EPS15: variants seen among roughly 807,000 people sequenced by gnomAD.
EPS15 encodes the protein epidermal growth factor receptor pathway substrate 15, also known as epidermal growth factor receptor substrate 15.
Under a neutral mutation model 113.8 loss-of-function variants are expected in EPS15, and 72 were observed. That is an observed-to-expected ratio of 0.63 (90% CI 0.52 to 0.77). EPS15 has a LOEUF of 0.77. EPS15 is among the 30% of genes least tolerant of loss of function. EPS15 has a pLI of 0.00. For missense variants in EPS15, 1,048 were observed against 1,045.8 expected (o/e 1.00, Z -0.03); for synonymous variants, 344 against 363.4 (o/e 0.95, Z 0.61).
At chr1:51,418,857 T>G (rs990786181) in intron 13 of EPS15, among the ~76,000 whole-genome samples, 1 of 152,170 alleles carries the variant, frequency 6.6e-6, no homozygotes, top group Non-Finnish European at 1.5e-5. Context: ...ATGGTTAAAT[T>G]ACTTAAGATC....
In EPS15 at chr1:51,461,144, C is replaced by G. The variant is rs773088586; in HGVS notation, c.508G>C (p.Glu170Gln). Residue 170 changes from glutamate (E) to glutamine (Q), a missense_variant, in exon 8 of 25, where the codon GAG (glutamate) becomes CAG (glutamine). Physicochemically the swap from Glu to Gln is conservative, Grantham distance 29. Coordinates refer to ENST00000371733, the MANE Select transcript of EPS15 (RefSeq NM_001981.3). The part of the protein sequence containing the change: ...LPVDILGRVW[E>Q]LSDIDHDGML... ...CCATCATGGTCAATATCACTCAACT[C>G]CCAAACCTTAAAAAGAGAATAATTG... 6.3e-7 allele frequency: 1 copy of G among 1,597,296 alleles called. No homozygotes were observed.
intron 19 of EPS15, among the ~76,000 whole-genome samples, chr1:51,399,550 AAAAC>A (rs1236194480): frequency 2.7e-5 from 4 of 148,670 alleles, no homozygotes; most frequent in Admixed American, 6.7e-5. Flanking sequence ...CCCTGTCTCA[AAAAC>A]AAACAAACAA....
At chr1:51,380,855 T>C (rs1258904933) in intron 21 of EPS15, among the ~76,000 whole-genome samples, 1 of 152,114 alleles carries the variant, frequency 6.6e-6, no homozygotes, top group Non-Finnish European at 1.5e-5. Flanking sequence ...AAAAAGATAT[T>C]TCATGCAAAT....
intron 8 of EPS15, among the ~76,000 whole-genome samples, chr1:51,450,241 G>T (rs1313725788): frequency 1.3e-5 from 2 of 149,598 alleles, no homozygotes; most frequent in East Asian, 3.9e-4. Context: ...AGGCCACACT[G>T]GGGGGGGCTG....
At chr1:51,365,638 C>T (rs961353959) in intron 22 of EPS15, among the ~76,000 whole-genome samples, 18 of 152,142 alleles carry the variant, frequency 1.2e-4, no homozygotes, top group African/African-American at 3.4e-4. Context: ...TTGACCCAGA[C>T]AGTCAACAGG....
At chr1:51,447,943 A>C in intron 9 of EPS15, 103 bp downstream of exon 9, 1 of 1,494,446 alleles carries the variant, frequency 6.7e-7, no homozygotes, top group East Asian at 2.3e-5. Context: ...ACCTGTCTTA[A>C]TGGTGCTTTG....
In EPS15 at chr1:51,403,000, A is replaced by G. The variant is rs79238843; in HGVS notation, c.1791+419T>C. ...ATTTTTCTCTTTCCTTCACCTTAAC[A>G]TATTTTTCTCTTTCCTTCACCTAAA... On this transcript the variant is annotated intron_variant, in intron 17 of 24. Coordinates refer to ENST00000371733, the MANE Select transcript of EPS15 (RefSeq NM_001981.3). 8.2e-3 allele frequency among the ~76,000 whole-genome samples: 1,241 copies of G among 152,190 alleles called. 11 individuals carry two copies. Among genetic ancestry groups the G allele is most frequent in the African/African-American group, 0.029 (1,196 of 41,534 alleles).
chr1:51,431,400 C>T (rs1190919227), intron 12 of EPS15, among the ~76,000 whole-genome samples: 1 of 151,692 alleles, frequency 6.6e-6, no homozygotes, highest in African/African-American at 2.4e-5. Context: ...CCCTTAGTGG[C>T]AGGTCCCAAA....
intron 2 of EPS15, among the ~76,000 whole-genome samples, chr1:51,480,839 G>A (rs918092419): frequency 9.9e-5 from 15 of 152,104 alleles, no homozygotes; most frequent in African/African-American, 3.6e-4. Flanking sequence ...TCTGACCAGA[G>A]GCTGTATATC....
chr1:51,450,013 C>A (rs1481966025), intron 8 of EPS15, among the ~76,000 whole-genome samples: 1 of 151,802 alleles, frequency 6.6e-6, no homozygotes, highest in East Asian at 1.9e-4. Context: ...TGGCCCGTGG[C>A]TGGATGTCAG....
intron 4 of EPS15, among the ~76,000 whole-genome samples, chr1:51,469,764 T>C (rs1000818477): frequency 2.6e-5 from 4 of 152,136 alleles, no homozygotes; most frequent in Non-Finnish European, 5.9e-5. Flanking sequence ...TTCTTCTCAT[T>C]CATTCCACAA....
At chr1:51,434,404 G>T (rs571078042) in intron 12 of EPS15, among the ~76,000 whole-genome samples, 5 of 152,286 alleles carry the variant, frequency 3.3e-5, no homozygotes, top group African/African-American at 1.2e-4. Context: ...CAACACAGAA[G>T]AACCCTGAGG....
intron 12 of EPS15, among the ~76,000 whole-genome samples, chr1:51,438,919 G>C (rs190428125): frequency 2.0e-5 from 3 of 151,752 alleles, no homozygotes; most frequent in East Asian, 3.9e-4. Context: ...CAATCACCAC[G>C]AAGTGTTTTT....
intron 1 of EPS15, among the ~76,000 whole-genome samples, chr1:51,487,265 ATATT>A (rs1318005961): frequency 5.3e-5 from 8 of 152,228 alleles, no homozygotes; most frequent in South Asian, 2.1e-4. Context: ...ACTGATAAAA[ATATT>A]TATTACCAAA....
chr1:51,407,373 C>A (rs1301775323), intron 15 of EPS15, among the ~76,000 whole-genome samples: 1 of 151,876 alleles, frequency 6.6e-6, no homozygotes, highest in Admixed American at 6.6e-5. Flanking sequence ...AATTTTTGTA[C>A]CTTTTAGTAG....
At chr1:51,434,807 G>A (rs1411774286) in intron 12 of EPS15, among the ~76,000 whole-genome samples, 4 of 152,258 alleles carry the variant, frequency 2.6e-5, no homozygotes, top group East Asian at 1.9e-4. Context: ...GAGTAACTGG[G>A]ATTCCAGGCA....
intron 2 of EPS15, among the ~76,000 whole-genome samples, chr1:51,479,788 A>C (rs1643986647): frequency 6.6e-6 from 1 of 152,220 alleles, no homozygotes; most frequent in Non-Finnish European, 1.5e-5. Context: ...ACAAAGATTA[A>C]AGAACAAGCA....
intron 22 of EPS15, 129 bp downstream of exon 22, chr1:51,365,824 A>G: frequency 1.8e-6 from 1 of 568,862 alleles, no homozygotes; most frequent in East Asian, 3.0e-5. Context: ...TCTATCTGAA[A>G]TCAACATTTG....
chr1:51,434,473 T>C (rs1406491404), intron 12 of EPS15, among the ~76,000 whole-genome samples: 1 of 152,168 alleles, frequency 6.6e-6, no homozygotes, highest in African/African-American at 2.4e-5. Context: ...CGATTCTGCT[T>C]ATATGAGATA....
Sources: gnomAD v4.1 joint callset for allele counts (sites outside exome capture counted in the v4.1 genomes callset) on GRCh38, gnomAD v4.1.1 for gene constraint, MANE v1.5 for transcripts, NCBI Gene and HGNC (gene_info 2026-07-23, HGNC 2026-07-21) for gene names.